Variants in GNA14 observed in about 807,000 individuals in gnomAD.
The protein encoded by GNA14 is G protein subunit alpha 14, also known as guanine nucleotide-binding protein subunit alpha-14.
Under a neutral mutation model 42.0 loss-of-function variants are expected in GNA14, and 50 were observed. That is an observed-to-expected ratio of 1.19 (90% confidence interval 0.95 to 1.51). The LOEUF (loss-of-function observed/expected upper bound fraction) is 1.51. Among genes scored for constraint, GNA14 ranks in the 40% most tolerant of loss-of-function variants. GNA14 has a pLI of 0.00. For missense variants in GNA14, 473 were observed against 446.2 expected (o/e 1.06, Z -0.54); for synonymous variants, 173 against 163.1 (o/e 1.06, Z -0.46).
intron 2 of GNA14, among the ~76,000 whole-genome samples, chr9:77,474,926 T>C (rs576186144): frequency 6.6e-6 from 1 of 152,216 alleles, no homozygotes; most frequent in South Asian, 2.1e-4. Flanking sequence ...ATTCCATTTA[T>C]ATGAAATGTC....
chr9:77,437,025 A>C (rs141862255), intron 2 of GNA14, among the ~76,000 whole-genome samples: 1 of 151,258 alleles, frequency 6.6e-6, no homozygotes, highest in African/African-American at 2.4e-5. Flanking sequence ...TGTAATTCCA[A>C]CTTGGGCCCT....
At chr9:77,444,878 G>C (rs1471015019) in intron 2 of GNA14, among the ~76,000 whole-genome samples, 1 of 152,214 alleles carries the variant, frequency 6.6e-6, no homozygotes, top group African/African-American at 2.4e-5. Context: ...GGCACCAGCA[G>C]GCAGACTCGT....
At chr9:77,462,895 C>T (rs759435761) in intron 2 of GNA14, among the ~76,000 whole-genome samples, 11 of 152,142 alleles carry the variant, frequency 7.2e-5, no homozygotes, top group Middle Eastern at 3.2e-3. Flanking sequence ...TCACCAAGTT[C>T]CTCCACTAGA....
intron 2 of GNA14, among the ~76,000 whole-genome samples, chr9:77,486,771 T>C (rs1836666955): frequency 6.6e-6 from 1 of 152,154 alleles, no homozygotes; most frequent in Non-Finnish European, 1.5e-5. Context: ...AGTCAGAACA[T>C]ATATACACAA....
intron 2 of GNA14, among the ~76,000 whole-genome samples, chr9:77,482,711 T>G (rs1836577966): frequency 1.3e-5 from 2 of 152,216 alleles, no homozygotes; most frequent in African/African-American, 4.8e-5. Context: ...CTAGATTTGG[T>G]CTTTTCACAT....
intron 1 of GNA14, among the ~76,000 whole-genome samples, chr9:77,593,158 T>C (rs551410102): frequency 2.0e-5 from 3 of 152,330 alleles, no homozygotes; most frequent in African/African-American, 4.8e-5. Context: ...TAATAAGAGA[T>C]GTGTTATAAC....
intron 2 of GNA14, among the ~76,000 whole-genome samples, chr9:77,454,767 C>G (rs947713189): frequency 3.3e-5 from 5 of 152,080 alleles, no homozygotes; most frequent in African/African-American, 1.2e-4. Context: ...CTCTGCCCCA[C>G]CAGTAGAGCA....
At position 77,648,000 on chromosome 9, in the gene GNA14, C is replaced by G. The variant is rs185897814; in HGVS notation, c.-207G>C. The G allele has an allele frequency of 6.6e-5, 38 of 572,946 alleles. No homozygotes were observed. The Admixed American group carries it at 7.0e-4, about 11-fold the overall frequency. The allele number at this position is 572,946 out of a possible 1,614,324, so 35.5% of individuals were successfully genotyped here. A position where few individuals can be genotyped will look rare whatever the true frequency, so the allele number is the denominator to read the frequency against. ...GCTCTGAGGCGGGGTGAATGCCGAG[C>G]GCTGGGAACGCTCGAGTGCACCCCG... On this transcript the variant is annotated 5_prime_UTR_variant, in exon 1 of 7. Transcript: ENST00000341700.
chr9:77,645,628 G>A (rs534081411), intron 1 of GNA14, among the ~76,000 whole-genome samples: 5 of 152,050 alleles, frequency 3.3e-5, no homozygotes, highest in Non-Finnish European at 7.4e-5. Flanking sequence ...GAAGACCCTC[G>A]GGTCACCCTG....
intron 2 of GNA14, among the ~76,000 whole-genome samples, chr9:77,495,005 G>A (rs983490334): frequency 1.3e-5 from 2 of 152,026 alleles, no homozygotes; most frequent in African/African-American, 2.4e-5. Context: ...TTGCCATGTT[G>A]GCCAGACTGG....
intron 1 of GNA14, among the ~76,000 whole-genome samples, chr9:77,587,590 G>A (rs993478255): frequency 1.3e-5 from 2 of 152,184 alleles, no homozygotes; most frequent in African/African-American, 4.8e-5. Flanking sequence ...AATATCCGTA[G>A]TATGAAAGAA....
At chr9:77,477,907 T>A (rs528483713) in intron 2 of GNA14, among the ~76,000 whole-genome samples, 1 of 151,638 alleles carries the variant, frequency 6.6e-6, no homozygotes, top group East Asian at 1.9e-4. Context: ...AAGAGAAAAA[T>A]GCAGAAATTG....
intron 2 of GNA14, among the ~76,000 whole-genome samples, chr9:77,519,807 C>T (rs767501633): frequency 4.6e-5 from 7 of 152,040 alleles, no homozygotes; most frequent in Non-Finnish European, 1.0e-4. Flanking sequence ...ATCAGGAGTT[C>T]GAGACCAGCC....
intron 2 of GNA14, among the ~76,000 whole-genome samples, chr9:77,528,606 G>A (rs1837477975): frequency 6.6e-6 from 1 of 152,114 alleles, no homozygotes; most frequent in South Asian, 2.1e-4. Flanking sequence ...TAGTTCCCAA[G>A]AAGGGTGAAC....
chr9:77,606,812 G>A (rs749759666), intron 1 of GNA14, among the ~76,000 whole-genome samples: 10 of 152,170 alleles, frequency 6.6e-5, no homozygotes, highest in Non-Finnish European at 1.5e-4. Context: ...CTAACCCATA[G>A]TGCAATGATA....
At chr9:77,534,570 G>T (rs1450317485) in intron 1 of GNA14, among the ~76,000 whole-genome samples, 1 of 152,198 alleles carries the variant, frequency 6.6e-6, no homozygotes, top group Non-Finnish European at 1.5e-5. Flanking sequence ...TGAAACCATC[G>T]TGAGAAGCCA....
intron 1 of GNA14, among the ~76,000 whole-genome samples, chr9:77,597,587 G>A (rs901361721): frequency 6.6e-6 from 1 of 151,558 alleles, no homozygotes; most frequent in African/African-American, 2.4e-5. Flanking sequence ...TCTATCTTCA[G>A]TGCTCGTCTT....
intron 2 of GNA14, among the ~76,000 whole-genome samples, chr9:77,496,909 C>A (rs540384672): frequency 5.6e-4 from 86 of 152,272 alleles, no homozygotes; most frequent in Non-Finnish European, 2.4e-4. Context: ...TACCCATTAT[C>A]CTGCTTTGTC....
intron 2 of GNA14, among the ~76,000 whole-genome samples, chr9:77,515,960 C>CAAAAAAAAAAAAAAAAAAAAAAAAAAA: frequency 1.9e-5 from 1 of 52,736 alleles, no homozygotes; most frequent in Non-Finnish European, 3.5e-5. Flanking sequence ...CCCTGTCTCA[C>CAAAAAAAAAAAAAAAAAAAAAAAAAAA]AAAAAAAAAA....
Sources: gnomAD v4.1 joint callset for allele counts (sites outside exome capture counted in the v4.1 genomes callset) on GRCh38, gnomAD v4.1.1 for gene constraint, MANE v1.5 for transcripts, NCBI Gene and HGNC (gene_info 2026-07-23, HGNC 2026-07-21) for gene names.